The following MAN2A1 variants were observed in gnomAD, a reference collection of about 807,000 sequenced individuals.
MAN2A1 encodes the protein alpha-mannosidase 2.
A neutral mutation model predicts 142.6 loss-of-function variants in MAN2A1; 76 were observed. That is an observed-to-expected ratio of 0.53 (90% CI 0.44 to 0.65). The LOEUF is 0.65. MAN2A1 is among the 30% of genes least tolerant of loss of function. MAN2A1 has a pLI of 0.00. For synonymous variants in MAN2A1, 559 were observed against 473.2 expected (o/e 1.18, Z -2.35); for missense variants, 1,311 against 1,365.1 (o/e 0.96, Z 0.62).
At chr5:109,826,730 GGTATTTGGCTCTATCAGC>G (rs1384853649) in intron 16 of MAN2A1, among the ~76,000 whole-genome samples, 1 of 152,106 alleles carries the variant, frequency 6.6e-6, no homozygotes, top group Non-Finnish European at 1.5e-5. Flanking sequence ...AAGTCTTCAG[GGTATTTGGCTCTATCAGC>G]GTTCACGCTG....
At chr5:109,842,287 A>G (rs1580308686) in intron 16 of MAN2A1, 41 bp from the exon 17 acceptor site, 1 of 1,335,000 alleles carries the variant, frequency 7.5e-7, no homozygotes. Flanking sequence ...TGAGGCAAGT[A>G]ATTTCTTTCT....
rs868683370 is a variant in MAN2A1 at position 109,822,683 on chromosome 5, T to A, written c.2452-1040T>A. On this transcript the variant is annotated intron_variant, in intron 15 of 21. Coordinates refer to ENST00000261483, the MANE Select transcript of MAN2A1 (RefSeq NM_002372.4). ...AAATTACACAATTCTGAAAAAAAAA[T>A]TTTTTTTTTTTGGAGACGGAGTCTT... 1.7e-3 allele frequency among the ~76,000 whole-genome samples: 238 copies of A among 143,362 alleles called. 2 individuals are homozygous for A. The highest frequency in any genetic ancestry group is 5.6e-3 in the African/African-American group (226 of 40,206). 94.1% of individuals were successfully genotyped at this position (143,362 alleles called of 152,430 possible).
chr5:109,825,120 T>C (rs934177395), intron 16 of MAN2A1, among the ~76,000 whole-genome samples: 4 of 152,316 alleles, frequency 2.6e-5, no homozygotes, highest in Middle Eastern at 3.4e-3. Context: ...TCTATTGAGT[T>C]TCTCAAAACT....
At chr5:109,850,748 A>T (rs2112768255) in intron 19 of MAN2A1, among the ~76,000 whole-genome samples, 1 of 152,314 alleles carries the variant, frequency 6.6e-6, no homozygotes, top group East Asian at 1.9e-4. Flanking sequence ...GAAGTGAAAT[A>T]ATTTGTTTAT....
chr5:109,782,914 T>C (rs934403902), intron 9 of MAN2A1, among the ~76,000 whole-genome samples: 16 of 152,182 alleles, frequency 1.1e-4, no homozygotes, highest in South Asian at 2.1e-4. Flanking sequence ...AAAAGTAGAA[T>C]TGGAATGTTT....
chr5:109,843,933 T>A (rs995782043), intron 17 of MAN2A1, among the ~76,000 whole-genome samples: 1 of 151,992 alleles, frequency 6.6e-6, no homozygotes, highest in Non-Finnish European at 1.5e-5. Context: ...CAACTGGGGG[T>A]GGGTGAAAAA....
intron 5 of MAN2A1, among the ~76,000 whole-genome samples, chr5:109,756,941 C>T (rs1752705021): frequency 6.6e-6 from 1 of 152,206 alleles, no homozygotes; most frequent in South Asian, 2.1e-4. Context: ...ACATTGGACA[C>T]TGAGTCTGTA....
intron 16 of MAN2A1, among the ~76,000 whole-genome samples, chr5:109,834,798 C>G (rs1297029368): frequency 6.6e-6 from 1 of 152,028 alleles, no homozygotes; most frequent in Non-Finnish European, 1.5e-5. Flanking sequence ...AACATTTTCA[C>G]TTGTGGAGAA....
intron 4 of MAN2A1, among the ~76,000 whole-genome samples, chr5:109,738,815 G>A (rs1752183327): frequency 6.6e-6 from 1 of 151,922 alleles, no homozygotes; most frequent in Non-Finnish European, 1.5e-5. Context: ...TTTTAATGCT[G>A]AAGTCTTCTA....
chr5:109,854,322 T>G (rs1755553777), intron 19 of MAN2A1: 1 of 152,202 alleles, frequency 6.6e-6, no homozygotes, highest in African/African-American at 2.4e-5. Flanking sequence ...GCATATTTAA[T>G]CTACCAACAT....
intron 12 of MAN2A1, among the ~76,000 whole-genome samples, chr5:109,794,893 A>C (rs1026376506): frequency 2.0e-5 from 3 of 151,998 alleles, no homozygotes; most frequent in African/African-American, 7.2e-5. Flanking sequence ...ATTTTTTTCA[A>C]GGTATAGGTT....
intron 12 of MAN2A1, among the ~76,000 whole-genome samples, chr5:109,790,246 C>T (rs912605533): frequency 6.6e-6 from 1 of 151,574 alleles, no homozygotes; most frequent in Non-Finnish European, 1.5e-5. Context: ...CTCCTCTTGC[C>T]AATTATAGGA....
chr5:109,732,606 T>G (rs1460846703), intron 4 of MAN2A1, among the ~76,000 whole-genome samples: 1 of 152,130 alleles, frequency 6.6e-6, no homozygotes, highest in Non-Finnish European at 1.5e-5. Flanking sequence ...CCAGCACCAT[T>G]TATTAAATAG....
At chr5:109,728,424 A>AT (rs1425671467) in intron 3 of MAN2A1, among the ~76,000 whole-genome samples, 2 of 152,078 alleles carry the variant, frequency 1.3e-5, no homozygotes, top group South Asian at 2.1e-4. Context: ...TCCTTATACG[A>AT]TTTTTTAGAT....
At chr5:109,796,143 A>G (rs993497023) in intron 12 of MAN2A1, among the ~76,000 whole-genome samples, 16 of 152,236 alleles carry the variant, frequency 1.1e-4, no homozygotes, top group African/African-American at 3.4e-4. Flanking sequence ...TCACTGATAA[A>G]TGTTGGCGAG....
chr5:109,808,424 G>T (rs1754229044), intron 12 of MAN2A1, among the ~76,000 whole-genome samples: 1 of 151,884 alleles, frequency 6.6e-6, no homozygotes, highest in African/African-American at 2.4e-5. Context: ...ATATTTCACT[G>T]CTTATTCTTT....
chr5:109,725,443 G>T (rs530817854), intron 3 of MAN2A1, among the ~76,000 whole-genome samples: 2 of 152,340 alleles, frequency 1.3e-5, no homozygotes, highest in South Asian at 4.1e-4. Flanking sequence ...GTTTAGGCTA[G>T]AGAGGGTCGG....
At chr5:109,730,978 T>G (rs953603079) in intron 4 of MAN2A1, among the ~76,000 whole-genome samples, 5 of 152,300 alleles carry the variant, frequency 3.3e-5, no homozygotes, top group South Asian at 4.1e-4. Context: ...TTGACTTGTT[T>G]CATGGACTTT....
intron 12 of MAN2A1, among the ~76,000 whole-genome samples, chr5:109,790,517 A>G (rs942774460): frequency 3.3e-5 from 5 of 151,954 alleles, no homozygotes; most frequent in African/African-American, 1.2e-4. Context: ...AACACGGCAG[A>G]AGCCTTAGGA....
Sources: gnomAD v4.1 joint callset for allele counts (sites outside exome capture counted in the v4.1 genomes callset) on GRCh38, gnomAD v4.1.1 for gene constraint, MANE v1.5 for transcripts, NCBI Gene and HGNC (gene_info 2026-07-23, HGNC 2026-07-21) for gene names.